Variants in ELOVL5 observed in about 807,000 individuals in gnomAD.
The protein encoded by ELOVL5 is very long chain fatty acid elongase 5.
Under a neutral mutation model 38.6 loss-of-function variants are expected in ELOVL5, and 8 were observed. That is an observed-to-expected ratio of 0.21 (90% CI 0.12 to 0.37). The LOEUF is 0.37. Ranked by LOEUF, ELOVL5 falls within the 10% of genes least tolerant of loss-of-function variation. ELOVL5 has a pLI of 1.00. For synonymous variants in ELOVL5, 127 were observed against 133.7 expected, an observed-to-expected ratio of 0.95 and a Z score of 0.34; for missense variants, 280 against 367.8, an observed-to-expected ratio of 0.76 and a Z score of 1.95.
At chr6:53,334,011 T>C (rs1768925036) in intron 1 of ELOVL5, among the ~76,000 whole-genome samples, 1 of 152,048 alleles carries the variant, frequency 6.6e-6, no homozygotes, top group Non-Finnish European at 1.5e-5. Flanking sequence ...TGGTCTATAG[T>C]GGCTCTGAAA....
At chr6:53,273,451 T>C in intron 5 of ELOVL5, 107 bp from the exon 6 acceptor site, 3 of 1,064,682 alleles carry the variant, frequency 2.8e-6, no homozygotes, top group Non-Finnish European at 4.1e-6. Flanking sequence ...GAAAGAGAGA[T>C]GACTTCCAAC....
chr6:53,332,026 T>TA lies in ELOVL5; in HGVS notation c.-9+16790dup, dbSNP rs1363981790. Among the ~76,000 whole-genome samples the TA allele has an allele frequency of 1.1e-4, 17 of 152,258 alleles. No homozygotes were observed. In the South Asian group the frequency reaches 3.5e-3, roughly 32 times the overall value. On this transcript the variant is annotated intron_variant, in intron 1 of 7. Transcript: ENST00000304434. ...GCAAGAGAGAGATGCCAGGCTCTTT[T>TA]ACACAACCAGATCTCACATTGAACT... is the stretch of plus-strand genomic sequence containing the variant.
intron 1 of ELOVL5, among the ~76,000 whole-genome samples, chr6:53,299,748 C>T (rs1767170254): frequency 6.6e-6 from 1 of 152,142 alleles, no homozygotes; most frequent in South Asian, 2.1e-4. Context: ...CAGGAGCACT[C>T]TTTCATCTTT....
At chr6:53,273,582 G>A (rs1049175065) in intron 5 of ELOVL5, among the ~76,000 whole-genome samples, 9 of 152,174 alleles carry the variant, frequency 5.9e-5, no homozygotes, top group African/African-American at 1.7e-4. Context: ...GCTGCTAGAG[G>A]GGCATCTGAC....
intron 5 of ELOVL5, among the ~76,000 whole-genome samples, chr6:53,274,188 TTTCTATTAG>T (rs1439747426): frequency 6.6e-6 from 1 of 152,154 alleles, no homozygotes; most frequent in Admixed American, 6.5e-5. Context: ...GGAGGGGCTG[TTTCTATTAG>T]AAAGTTAGGT....
At chr6:53,292,420 A>C (rs1766810662) in intron 2 of ELOVL5, among the ~76,000 whole-genome samples, 1 of 152,244 alleles carries the variant, frequency 6.6e-6, no homozygotes, top group Non-Finnish European at 1.5e-5. Flanking sequence ...TAGCCACGTT[A>C]GTGAAACTGG....
chr6:53,332,551 C>T (rs560175964), intron 1 of ELOVL5, among the ~76,000 whole-genome samples: 1 of 152,130 alleles, frequency 6.6e-6, no homozygotes, highest in South Asian at 2.1e-4. Flanking sequence ...CAAACATATA[C>T]ACAGAACGGA....
chr6:53,309,686 G>T (rs142447876), intron 1 of ELOVL5, among the ~76,000 whole-genome samples: 1 of 152,280 alleles, frequency 6.6e-6, no homozygotes, highest in East Asian at 1.9e-4. Context: ...AGATGTTGTG[G>T]CTTCTATCTT....
chr6:53,315,788 G>A (rs1227740835), intron 1 of ELOVL5, among the ~76,000 whole-genome samples: 1 of 152,184 alleles, frequency 6.6e-6, no homozygotes. Context: ...AACCCTAGCT[G>A]TCAGTGGAGG....
intron 1 of ELOVL5, among the ~76,000 whole-genome samples, chr6:53,343,588 TA>T (rs1769418264): frequency 6.6e-6 from 1 of 152,078 alleles, no homozygotes; most frequent in Non-Finnish European, 1.5e-5. Context: ...AAAACAAAAA[TA>T]AAAAATAAAA....
intron 1 of ELOVL5, among the ~76,000 whole-genome samples, chr6:53,338,788 T>C (rs1769193400): frequency 6.6e-6 from 1 of 152,248 alleles, no homozygotes; most frequent in Admixed American, 6.5e-5. Flanking sequence ...GTGCAGTCTC[T>C]TAACTGATGT....
At chr6:53,288,555 A>G (rs1014553460) in intron 3 of ELOVL5, among the ~76,000 whole-genome samples, 5 of 152,224 alleles carry the variant, frequency 3.3e-5, no homozygotes, top group African/African-American at 1.2e-4. Context: ...CCTGGAAATA[A>G]ACACTAAAGT....
intron 1 of ELOVL5, among the ~76,000 whole-genome samples, chr6:53,317,900 TCC>T (rs879852634): frequency 6.6e-6 from 1 of 151,982 alleles, no homozygotes; most frequent in South Asian, 2.1e-4. Flanking sequence ...GATGGATTTT[TCC>T]CCCTTATTTT....
intron 1 of ELOVL5, among the ~76,000 whole-genome samples, chr6:53,323,912 G>A (rs916379372): frequency 9.9e-5 from 15 of 152,262 alleles, no homozygotes; most frequent in African/African-American, 3.4e-4. Context: ...TAAGTAACAA[G>A]CTTTTCCCAT....
At chr6:53,328,505 G>C (rs1768647775) in intron 1 of ELOVL5, among the ~76,000 whole-genome samples, 1 of 152,194 alleles carries the variant, frequency 6.6e-6, no homozygotes, top group Non-Finnish European at 1.5e-5. Context: ...CAAAAGGCCA[G>C]AGGAAATCTT....
intron 3 of ELOVL5, among the ~76,000 whole-genome samples, chr6:53,281,802 C>A (rs1162743713): frequency 9.4e-5 from 14 of 148,358 alleles, no homozygotes; most frequent in African/African-American, 2.8e-4. Context: ...GATAATTTCA[C>A]ACCCATGACC....
At chr6:53,335,110 C>T (rs1363266658) in intron 1 of ELOVL5, among the ~76,000 whole-genome samples, 1 of 152,210 alleles carries the variant, frequency 6.6e-6, no homozygotes, top group Non-Finnish European at 1.5e-5. Context: ...TTTGCATCCA[C>T]TTCTCTTGAT....
At chr6:53,278,432 A>C (rs1561864666) in intron 3 of ELOVL5, among the ~76,000 whole-genome samples, 1 of 152,160 alleles carries the variant, frequency 6.6e-6, no homozygotes, top group Non-Finnish European at 1.5e-5. Flanking sequence ...AACTCAGCAG[A>C]AGGGACTCTT....
chr6:53,307,087 G>C (rs896632904), intron 1 of ELOVL5, among the ~76,000 whole-genome samples: 24 of 152,234 alleles, frequency 1.6e-4, no homozygotes, highest in African/African-American at 5.8e-4. Context: ...CCAGCCATTT[G>C]AAAGGCAGTT....
Sources: gnomAD v4.1 joint callset for allele counts (sites outside exome capture counted in the v4.1 genomes callset) on GRCh38, gnomAD v4.1.1 for gene constraint, MANE v1.5 for transcripts, NCBI Gene and HGNC (gene_info 2026-07-23, HGNC 2026-07-21) for gene names.